Variants in SAMD5 observed in about 807,000 individuals in gnomAD.
The protein encoded by SAMD5 is sterile alpha motif domain containing 5, also known as sterile alpha motif domain-containing protein 5.
In SAMD5, 13 loss-of-function variants were observed where a neutral mutation model predicts 11.3. The ratio of observed to expected loss-of-function variants is 1.15; its 90% CI spans 0.75 to 1.83. The LOEUF (loss-of-function observed/expected upper bound fraction) is 1.83. Ranked by LOEUF, SAMD5 falls within the 40% of genes most tolerant of loss-of-function variation. The pLI is 0.00. For missense variants in SAMD5, 255 were observed against 239.1 expected (o/e 1.07, Z -0.44); for synonymous variants, 129 against 111.3 (o/e 1.16, Z -1.00).
chr6:147,729,375 G>A (rs1328970130), intron 1 of SAMD5, among the ~76,000 whole-genome samples: 4 of 152,144 alleles, frequency 2.6e-5, no homozygotes, highest in Non-Finnish European at 5.9e-5. Flanking sequence ...AGACAAGATT[G>A]ACCTTGCAAA....
chr6:147,592,297 C>T lies in SAMD5; in HGVS notation c.162+82910C>T, dbSNP rs1256481965. The stretch of plus-strand genomic sequence containing the variant: ...TTTCTCCTATGAATTGTTCCACTCC[C>T]CTAGTGGCTGCAGAAGGTTTCTCTC... On this transcript the variant is annotated intron_variant, in intron 1 of 1. Transcript: ENST00000566741. Among the ~76,000 whole-genome samples, 4 of 152,094 alleles carry T rather than the reference C, an allele frequency of 2.6e-5. No individual in the cohort carries two copies. In the South Asian group the frequency reaches 6.2e-4, roughly 24 times the overall value.
the SAMD5 span, among the ~76,000 whole-genome samples, chr6:147,844,213 A>G: frequency 1.3e-5 from 2 of 152,342 alleles, no homozygotes; most frequent in South Asian, 4.1e-4. Flanking sequence ...AAAAGAAGAC[A>G]TACAAATGGT....
At chr6:147,920,280 A>G in the SAMD5 span, among the ~76,000 whole-genome samples, 42 of 152,218 alleles carry the variant, frequency 2.8e-4, no homozygotes, top group African/African-American at 9.4e-4. Flanking sequence ...AGTCTTCTGG[A>G]CTTCATCTTT....
the SAMD5 span, among the ~76,000 whole-genome samples, chr6:147,931,910 T>C: frequency 6.6e-6 from 1 of 152,234 alleles, no homozygotes; most frequent in Non-Finnish European, 1.5e-5. Context: ...ATAAGCATAG[T>C]ATTTTTCTTG....
At chr6:147,541,681 C>A (rs533814125) in intron 1 of SAMD5, among the ~76,000 whole-genome samples, 1 of 152,310 alleles carries the variant, frequency 6.6e-6, no homozygotes, top group East Asian at 1.9e-4. Context: ...ATCCCTTCCA[C>A]ATATACAAAC....
chr6:147,660,644 G>C (rs1291565789), intron 1 of SAMD5: 3 of 151,850 alleles, frequency 2.0e-5, no homozygotes, highest in African/African-American at 7.2e-5. Context: ...TCGCGATAGT[G>C]AGAGAGTTCT....
At chr6:147,610,281 A>G (rs372932138) in intron 1 of SAMD5, among the ~76,000 whole-genome samples, 1 of 152,104 alleles carries the variant, frequency 6.6e-6, no homozygotes, top group Non-Finnish European at 1.5e-5. Context: ...TATTATTCCT[A>G]ACTGATCTAC....
At chr6:147,619,759 C>G (rs1265446215) in intron 1 of SAMD5, among the ~76,000 whole-genome samples, 2 of 152,110 alleles carry the variant, frequency 1.3e-5, no homozygotes, top group Non-Finnish European at 2.9e-5. Context: ...TCATGGTTAC[C>G]CTGTGTCTGG....
chr6:147,673,941 G>A (rs1317870727), intron 1 of SAMD5, among the ~76,000 whole-genome samples: 2 of 152,184 alleles, frequency 1.3e-5, no homozygotes, highest in African/African-American at 4.8e-5. Context: ...TAATAAAAAT[G>A]TAGTGTACAA....
At chr6:147,919,947 A>G in the SAMD5 span, among the ~76,000 whole-genome samples, 2 of 152,202 alleles carry the variant, frequency 1.3e-5, no homozygotes, top group Admixed American at 6.5e-5. Flanking sequence ...AGTATTATAC[A>G]TGGTTTTTAC....
chr6:147,861,967 T>C, the SAMD5 span, among the ~76,000 whole-genome samples: 1 of 152,152 alleles, frequency 6.6e-6, no homozygotes, highest in Admixed American at 6.5e-5. Flanking sequence ...CTGATGGACA[T>C]GACAGCTCAG....
At chr6:147,923,069 T>C in the SAMD5 span, among the ~76,000 whole-genome samples, 2 of 151,900 alleles carry the variant, frequency 1.3e-5, no homozygotes, top group Non-Finnish European at 2.9e-5. Context: ...TAAAAAAAAA[T>C]TCCAACATGC....
intron 1 of SAMD5, among the ~76,000 whole-genome samples, chr6:147,731,550 C>A (rs1791713664): frequency 1.3e-5 from 2 of 151,398 alleles, no homozygotes; most frequent in African/African-American, 4.9e-5. Flanking sequence ...GTACTCTGTA[C>A]CCTCTGTCTC....
chr6:147,875,459 C>G, the SAMD5 span, among the ~76,000 whole-genome samples: 1 of 152,116 alleles, frequency 6.6e-6, no homozygotes, highest in Non-Finnish European at 1.5e-5. Flanking sequence ...AGCTGTTAAG[C>G]AGCTATAACT....
At chr6:147,660,622 C>G (rs962949392) in intron 1 of SAMD5, 17 of 152,230 alleles carry the variant, frequency 1.1e-4, no homozygotes, top group African/African-American at 4.1e-4. Context: ...GGATCTCCCA[C>G]CCTCGCTGTT....
the SAMD5 span, among the ~76,000 whole-genome samples, chr6:147,793,750 C>A: frequency 6.6e-6 from 1 of 152,154 alleles, no homozygotes; most frequent in Non-Finnish European, 1.5e-5. Context: ...TTCTGTGGAT[C>A]TACATTCAGC....
At chr6:147,716,164 T>C (rs572886663) in intron 1 of SAMD5, among the ~76,000 whole-genome samples, 49 of 152,270 alleles carry the variant, frequency 3.2e-4, no homozygotes, top group African/African-American at 1.1e-3. Context: ...CAGGCCAGCA[T>C]GGGTTGCCCT....
At position 147,626,724 on chromosome 6, in the gene SAMD5, C is replaced by T. The variant is rs114532257; in HGVS notation, c.163-110593C>T. On this transcript the variant is annotated intron_variant, in intron 1 of 1. Transcript: ENST00000566741. Reference sequence around the variant, plus strand: ...ATCTCAGCACTTTGGAAGGCCAAGACGGCAGGGTCGCTTGAAGCCAGGAGC... The same window carrying T: ...ATCTCAGCACTTTGGAAGGCCAAGATGGCAGGGTCGCTTGAAGCCAGGAGC... Among the ~76,000 whole-genome samples, 603 of 138,600 alleles carry T rather than the reference C, an allele frequency of 4.4e-3. 4 individuals are homozygous for T. The highest frequency in any genetic ancestry group is 0.016 in the African/African-American group (576 of 36,972). The allele number at this position is 138,600 out of a possible 152,430, so 90.9% of individuals were successfully genotyped here. A position where few individuals can be genotyped will look rare whatever the true frequency, so the allele number is the denominator to read the frequency against.
intron 1 of SAMD5, among the ~76,000 whole-genome samples, chr6:147,613,092 A>C (rs2128449311): frequency 6.6e-6 from 1 of 151,662 alleles, no homozygotes; most frequent in South Asian, 2.1e-4. Flanking sequence ...TCCCAGCTAC[A>C]GTGAGCCGAG....
Sources: allele counts gnomAD v4.1 joint callset (sites outside exome capture counted in the v4.1 genomes callset), GRCh38; gene constraint gnomAD v4.1.1; transcripts MANE v1.5; gene names NCBI Gene and HGNC (gene_info 2026-07-23, HGNC 2026-07-21).